Variants in SEL1L observed in about 807,000 individuals in gnomAD.
The protein encoded by SEL1L is SEL1L adaptor subunit of SYVN1 ubiquitin ligase, also known as protein sel-1 homolog 1.
Under a neutral mutation model 109.8 loss-of-function variants are expected in SEL1L, and 52 were observed. The observed-to-expected ratio is 0.47, with a 90% confidence interval of 0.38 to 0.60. The LOEUF is 0.60. SEL1L is among the 20% of genes least tolerant of loss of function. The pLI is 0.00. For missense variants in SEL1L, 749 were observed against 962.2 expected, an observed-to-expected ratio of 0.78 and a Z score of 2.93; for synonymous variants, 373 against 339.6, an observed-to-expected ratio of 1.10 and a Z score of -1.08.
Position 81,526,747 on chromosome 14 carries a change from T to C in SEL1L, c.326A>G (p.Lys109Arg). ...GTCCAGACTACCTGGTTTCCGTACT[T>C]TCTTTGGCTCTTCATAGTCCTTGTT... The part of the protein sequence containing the change: ...PENKDYEEPK[K>R]VRKPALTAIE... Residue 109 changes from lysine to arginine, a missense_variant, in exon 3 of 21, where the codon AAA becomes AGA. Lys to Arg is a conservative substitution (Grantham distance 26). Coordinates refer to ENST00000336735, the MANE Select transcript of SEL1L (RefSeq NM_005065.6). 6.2e-7 allele frequency: 1 copy of C among 1,612,624 alleles called. No individual in the cohort carries two copies. The highest frequency in any genetic ancestry group is 8.5e-7 in the Non-Finnish European group (1 of 1,179,414).
At chr14:81,481,528 C>G (rs1423152863) in intron 19 of SEL1L, among the ~76,000 whole-genome samples, 1 of 152,132 alleles carries the variant, frequency 6.6e-6, no homozygotes, top group Admixed American at 6.5e-5. Flanking sequence ...TCATGTGATT[C>G]ATACATTGGA....
intron 3 of SEL1L, among the ~76,000 whole-genome samples, chr14:81,521,642 G>A (rs1055526134): frequency 1.8e-4 from 28 of 152,130 alleles, no homozygotes; most frequent in Non-Finnish European, 2.9e-5. Context: ...AAACTAGTGT[G>A]AATAAACCTA....
chr14:81,530,132 T>C (rs1885268645), intron 1 of SEL1L, among the ~76,000 whole-genome samples: 1 of 152,228 alleles, frequency 6.6e-6, no homozygotes, highest in Non-Finnish European at 1.5e-5. Context: ...CACTACAAAA[T>C]CATTTTTCCA....
chr14:81,527,216 G>A (rs1007501611), intron 2 of SEL1L, among the ~76,000 whole-genome samples: 1 of 151,950 alleles, frequency 6.6e-6, no homozygotes, highest in African/African-American at 2.4e-5. Context: ...GTCTGGGTTC[G>A]GTTTTCCTCC....
At chr14:81,515,810 G>A (rs1393052882) in intron 3 of SEL1L, among the ~76,000 whole-genome samples, 6 of 152,088 alleles carry the variant, frequency 3.9e-5, no homozygotes, top group South Asian at 2.1e-4. Flanking sequence ...CCTGGGCCCC[G>A]AACAAAATCT....
At chr14:81,500,352 G>A (rs558217668) in intron 6 of SEL1L, among the ~76,000 whole-genome samples, 1 of 152,198 alleles carries the variant, frequency 6.6e-6, no homozygotes, top group African/African-American at 2.4e-5. Context: ...TCCTGCCTCA[G>A]CCTCCCGAGT....
chr14:81,485,929 T>G (rs1903507070), intron 17 of SEL1L, among the ~76,000 whole-genome samples, 183 bp from the exon 18 acceptor site: 1 of 152,234 alleles, frequency 6.6e-6, no homozygotes, highest in Admixed American at 6.5e-5. Flanking sequence ...AATCACTGGA[T>G]GCAAGAGGGC....
intron 20 of SEL1L, among the ~76,000 whole-genome samples, chr14:81,478,333 T>C (rs576940018): frequency 5.3e-5 from 8 of 152,286 alleles, no homozygotes; most frequent in Admixed American, 3.9e-4. Context: ...TCGATACTTA[T>C]TAGTCTTATA....
At position 81,473,889 on chromosome 14, in the gene SEL1L, T is replaced by G. The variant is rs1903078592; in HGVS notation, c.*3083A>C. The stretch of plus-strand genomic sequence containing the variant: ...ACAAAGCAAAATAAAAAAAAATTCC[T>G]ATATATATATTAATAAAATACTTAA... On this transcript the variant is annotated 3_prime_UTR_variant, in exon 21 of 21. Coordinates refer to ENST00000336735, the MANE Select transcript of SEL1L (RefSeq NM_005065.6). 6.6e-6 allele frequency: 1 copy of G among 151,612 alleles called. No individual in the cohort carries two copies. The highest frequency in any genetic ancestry group is 1.5e-5 in the Non-Finnish European group (1 of 67,920). 9.4% of individuals were successfully genotyped at this position (151,612 alleles called of 1,614,324 possible).
chr14:81,497,558 A>G (rs889392502), intron 10 of SEL1L, among the ~76,000 whole-genome samples: 1 of 152,208 alleles, frequency 6.6e-6, no homozygotes, highest in Non-Finnish European at 1.5e-5. Context: ...AGTTTTCATC[A>G]TTGGTGACTC....
In SEL1L at chr14:81,474,188, A is replaced by C. The variant is rs184257856; in HGVS notation, c.*2784T>G. ...TACTTTTTCTTTGCCATTGACTGCT[A>C]ATCAAAAATAAGCCTTACCTAGAAA... On this transcript the variant is annotated 3_prime_UTR_variant, in exon 21 of 21. Coordinates refer to ENST00000336735, the MANE Select transcript of SEL1L (RefSeq NM_005065.6). 6.6e-6 allele frequency: 1 copy of C among 152,042 alleles called. No individual in the cohort carries two copies. The highest frequency in any genetic ancestry group is 1.9e-4 in the East Asian group (1 of 5,192). 9.4% of individuals were successfully genotyped at this position (152,042 alleles called of 1,614,324 possible). A position where few individuals can be genotyped will look rare whatever the true frequency, so the allele number is the denominator to read the frequency against.
intron 3 of SEL1L, among the ~76,000 whole-genome samples, chr14:81,512,922 T>C (rs777886528): frequency 1.3e-5 from 2 of 152,248 alleles, no homozygotes; most frequent in Non-Finnish European, 2.9e-5. Context: ...GCTTATCATG[T>C]GGCCCTCGGC....
chr14:81,502,802 A>C lies in SEL1L; in HGVS notation c.696T>G (p.Gly232=). The C allele has an allele frequency of 6.2e-7, 1 of 1,614,152 alleles. No individual in the cohort carries two copies. Among genetic ancestry groups the C allele is most frequent in the South Asian group, 1.1e-5 (1 of 91,086 alleles). ...CCTGGATATTCTGTGGCAAGTAATC[A>C]CCAAATAAAAGAGCATATGACACTC... ...LERVSYALLF[G]DYLPQNIQAA... The change falls in exon 6 of 21, where the codon GGT becomes GGG. Residue 232 remains glycine, a synonymous_variant. Coordinates refer to ENST00000336735, the MANE Select transcript of SEL1L (RefSeq NM_005065.6).
At chr14:81,493,777 G>A (rs1883636403) in intron 11 of SEL1L, among the ~76,000 whole-genome samples, 2 of 152,052 alleles carry the variant, frequency 1.3e-5, no homozygotes, top group Non-Finnish European at 2.9e-5. Flanking sequence ...CTAAATTTCA[G>A]CTCACCTCAC....
chr14:81,484,873 T>G (rs1455440398), intron 18 of SEL1L, among the ~76,000 whole-genome samples: 1 of 152,228 alleles, frequency 6.6e-6, no homozygotes, highest in Non-Finnish European at 1.5e-5. Flanking sequence ...TAAGGGATAC[T>G]CAACCTGTAC....
intron 20 of SEL1L, 135 bp downstream of exon 20, chr14:81,479,477 G>T: frequency 1.3e-6 from 1 of 780,150 alleles, no homozygotes; most frequent in Non-Finnish European, 1.9e-6. Flanking sequence ...TCGGGTACCT[G>T]AGCTGAGGAG....
At chr14:81,521,755 ATACTT>A (rs1287437753) in intron 3 of SEL1L, among the ~76,000 whole-genome samples, 1 of 152,192 alleles carries the variant, frequency 6.6e-6, no homozygotes, top group Non-Finnish European at 1.5e-5. Flanking sequence ...CATATTTACT[ATACTT>A]TTCATCCTTA....
At chr14:81,491,517 C>G (rs962118003) in intron 12 of SEL1L, among the ~76,000 whole-genome samples, 2 of 152,162 alleles carry the variant, frequency 1.3e-5, no homozygotes, top group African/African-American at 4.8e-5. Context: ...TATGGAACAG[C>G]TGGAATATTT....
chr14:81,480,550 T>C (rs529089832), intron 19 of SEL1L, among the ~76,000 whole-genome samples: 1 of 152,084 alleles, frequency 6.6e-6, no homozygotes, highest in East Asian at 1.9e-4. Context: ...ATAAACTGTC[T>C]CTACAAAAAA....
Sources: allele counts gnomAD v4.1 joint callset (sites outside exome capture counted in the v4.1 genomes callset), GRCh38; gene constraint gnomAD v4.1.1; transcripts MANE v1.5; gene names NCBI Gene and HGNC (gene_info 2026-07-23, HGNC 2026-07-21).